NTRK1: variants seen among roughly 807,000 people sequenced by gnomAD.
NTRK1 encodes the protein neurotrophic receptor tyrosine kinase 1, also known as high affinity nerve growth factor receptor.
In NTRK1, 62 loss-of-function variants were observed where a neutral mutation model predicts 86.8. The observed-to-expected ratio is 0.71, with a 90% CI of 0.58 to 0.88. The LOEUF (loss-of-function observed/expected upper bound fraction) is 0.88. NTRK1 is among the 40% of genes least tolerant of loss of function. The pLI is 0.00. For synonymous variants in NTRK1, 469 were observed against 456.6 expected, an observed-to-expected ratio of 1.03 and a Z score of -0.35; for missense variants, 967 against 1,078.4, an observed-to-expected ratio of 0.90 and a Z score of 1.45.
In NTRK1 at chr1:156,865,783, C is replaced by T. The variant is rs1041057191; in HGVS notation, c.359+984C>T. 3.2e-4 allele frequency among the ~76,000 whole-genome samples: 48 copies of T among 152,252 alleles called. 1 individual carries two copies. Among genetic ancestry groups the T allele is most frequent in the African/African-American group, 1.2e-3 (48 of 41,548 alleles). On this transcript the variant is annotated intron_variant, in intron 3 of 16. Transcript: ENST00000524377. ...CCTTCTGAGGGCAGGAGTTCAGCTC[C>T]CCTGTCCCCCAATATGAGCAGGCAG...
chr1:156,880,060 A>T lies in NTRK1; in HGVS notation c.2108A>T (p.Lys703Met), dbSNP rs1648165445. 1 of 1,596,726 alleles carries T rather than the reference A, an allele frequency of 6.3e-7. No individual in the cohort carries two copies. The highest frequency in any genetic ancestry group is 8.5e-7 in the Non-Finnish European group (1 of 1,172,652). ...WMPPESILYR[K>M]FTTESDVWSF... The stretch of plus-strand genomic sequence containing the variant: ...CCGCCCGAGAGCATCCTGTACCGTA[A>T]GTTCACCACCGAGAGCGACGTGTGG... Residue 703 changes from lysine to methionine, a missense_variant, in exon 16 of 17, where the codon AAG becomes ATG. Around this residue, in one of 2 missense-constraint regions of NTRK1, gnomAD observed 637 missense variants for 776.5 expected, o/e 0.82. Transcript: ENST00000524377.
chr1:156,850,530 C>CTTT (rs1558089282), intron 2 of NTRK1, among the ~76,000 whole-genome samples: 4 of 107,150 alleles, frequency 3.7e-5, no homozygotes, highest in African/African-American at 1.5e-4. Flanking sequence ...TAATTTAAAA[C>CTTT]ATTCTTTTTT....
At chr1:156,843,090 T>C in intron 2 of NTRK1, 1 of 1,614,158 alleles carries the variant, frequency 6.2e-7, no homozygotes, top group Non-Finnish European at 8.5e-7. Context: ...TCATTCACCG[T>C]CTTCAGGGCC....
intron 4 of NTRK1, among the ~76,000 whole-genome samples, chr1:156,867,208 G>A (rs568014412): frequency 6.6e-6 from 1 of 152,366 alleles, no homozygotes; most frequent in South Asian, 2.1e-4. Flanking sequence ...TGTGTGCTGG[G>A]CCTGGCTGAG....
chr1:156,867,292 G>T (rs2102890473), intron 4 of NTRK1, among the ~76,000 whole-genome samples: 1 of 152,320 alleles, frequency 6.6e-6, no homozygotes, highest in South Asian at 2.1e-4. Flanking sequence ...GGGGTGAGTG[G>T]GGCAGCAGGG....
intron 2 of NTRK1, chr1:156,844,462 C>G (rs1413731013): frequency 6.2e-7 from 1 of 1,612,904 alleles, no homozygotes; most frequent in Non-Finnish European, 8.5e-7. Flanking sequence ...CTGTGTATAC[C>G]TGGGCCAAGG....
intron 2 of NTRK1, among the ~76,000 whole-genome samples, chr1:156,850,295 CCT>C (rs949463026): frequency 7.9e-5 from 12 of 151,920 alleles, no homozygotes; most frequent in African/African-American, 2.9e-4. Flanking sequence ...CAGTGTAACC[CCT>C]GTCTCCCAGG....
Position 156,850,534 on chromosome 1 carries a change from C to CTTT in NTRK1, c.50+8370_50+8372dup, listed in dbSNP as rs35237064. 8.5e-3 allele frequency among the ~76,000 whole-genome samples: 499 copies of CTTT among 58,656 alleles called. 22 individuals are homozygous for CTTT. Among genetic ancestry groups the CTTT allele is most frequent in the Non-Finnish European group, 0.011 (301 of 28,190 alleles). The allele number at this position is 58,656 out of a possible 152,430, so 38.5% of individuals were successfully genotyped here. A position where few individuals can be genotyped will look rare whatever the true frequency, so the allele number is the denominator to read the frequency against. On this transcript the variant is annotated intron_variant, in intron 2 of 16. Coordinates refer to the NTRK1 transcript ENST00000392302. ...GACCTGGATGGTAATTTAAAACATTCTTTTTTTTTTTTTTTTTTTTTTTTT... is the reference window on the plus strand; with the variant it reads ...GACCTGGATGGTAATTTAAAACATTCTTTTTTTTTTTTTTTTTTTTTTTTTTTT...
At chr1:156,866,335 G>A (rs1655926503) in intron 3 of NTRK1, among the ~76,000 whole-genome samples, 1 of 152,196 alleles carries the variant, frequency 6.6e-6, no homozygotes, top group East Asian at 1.9e-4. Context: ...GCCCCTGCTG[G>A]GCTCACTTTT....
chr1:156,816,575 C>T (rs1653955424), intron 1 of NTRK1: 4 of 1,310,480 alleles, frequency 3.1e-6, no homozygotes, highest in Non-Finnish European at 4.2e-6. Context: ...TAGGGTGGGG[C>T]CCCTCATCCC....
intron 1 of NTRK1, among the ~76,000 whole-genome samples, chr1:156,828,900 G>T (rs958812449): frequency 1.3e-5 from 2 of 152,194 alleles, no homozygotes; most frequent in African/African-American, 2.4e-5. Flanking sequence ...CTGCTGTCAG[G>T]CCGGAATTAT....
chr1:156,836,299 G>A (rs747692389), intron 1 of NTRK1, among the ~76,000 whole-genome samples: 2 of 152,162 alleles, frequency 1.3e-5, no homozygotes, highest in African/African-American at 2.4e-5. Flanking sequence ...AAAAAGTCCC[G>A]GGGTGTCCTC....
chr1:156,851,623 G>A, intron 2 of NTRK1: 1 of 1,614,118 alleles, frequency 6.2e-7, no homozygotes, highest in Non-Finnish European at 8.5e-7. Flanking sequence ...GAGGAGGGGT[G>A]TGGCCCCAAA....
intron 2 of NTRK1, chr1:156,846,093 A>G: frequency 6.2e-7 from 1 of 1,607,876 alleles, no homozygotes; most frequent in Non-Finnish European, 8.5e-7. Flanking sequence ...TTGGACGTGG[A>G]GATGACGTCT....
intron 1 of NTRK1, 76 bp downstream of exon 1, chr1:156,861,222 C>T (rs1655636732): frequency 6.7e-7 from 1 of 1,482,818 alleles, no homozygotes; most frequent in Non-Finnish European, 9.0e-7. Flanking sequence ...GGACTCGCTG[C>T]TTGTTTGCTG....
At chr1:156,845,373 T>A in intron 2 of NTRK1, 1 of 1,579,590 alleles carries the variant, frequency 6.3e-7, no homozygotes, top group South Asian at 1.2e-5. Flanking sequence ...CCTGCTCACC[T>A]TTGGGGGCTC....
intron 12 of NTRK1, 145 bp downstream of exon 12, chr1:156,875,811 C>A: frequency 7.9e-7 from 1 of 1,272,422 alleles, no homozygotes; most frequent in Non-Finnish European, 1.1e-6. Context: ...TAGGCCCTGT[C>A]ATATTCTTCT....
At chr1:156,832,807 T>C (rs1654498701) in intron 1 of NTRK1, among the ~76,000 whole-genome samples, 1 of 152,196 alleles carries the variant, frequency 6.6e-6, no homozygotes, top group Non-Finnish European at 1.5e-5. Context: ...CTTGTAGCAT[T>C]TGGTTCTTAC....
At chr1:156,841,085 A>G in intron 1 of NTRK1, 1 of 1,564,502 alleles carries the variant, frequency 6.4e-7, no homozygotes, top group South Asian at 1.2e-5. Flanking sequence ...GGCTGCCAGC[A>G]GCGGCTCATC....
Sources: gnomAD v4.1 joint callset for allele counts (sites outside exome capture counted in the v4.1 genomes callset) on GRCh38, gnomAD v4.1.1 for gene constraint, gnomAD v4.1.1 regional missense constraint, MANE v1.5 for transcripts, NCBI Gene and HGNC (gene_info 2026-07-23, HGNC 2026-07-21) for gene names.